TNS3: variants seen among roughly 807,000 people sequenced by gnomAD.
The protein encoded by TNS3 is tensin 3.
Under a neutral mutation model 140.9 loss-of-function variants are expected in TNS3, and 45 were observed. That is an observed-to-expected ratio of 0.32 (90% CI 0.25 to 0.41). The LOEUF is 0.41. Ranked by LOEUF, TNS3 falls within the 10% of genes least tolerant of loss-of-function variation. The probability of loss-of-function intolerance (pLI) is 1.00; values close to 1 mark genes in which losing one functional copy is unlikely to be tolerated. For missense variants in TNS3, 1,716 were observed against 1,906.7 expected, an observed-to-expected ratio of 0.90 and a Z score of 1.86; for synonymous variants, 815 against 788.4, an observed-to-expected ratio of 1.03 and a Z score of -0.56.
At chr7:47,310,375 A>G (rs1787018227) in intron 20 of TNS3, among the ~76,000 whole-genome samples, 1 of 152,166 alleles carries the variant, frequency 6.6e-6, no homozygotes, top group African/African-American at 2.4e-5. Flanking sequence ...AAACACCACA[A>G]GGTTTCAAGG....
intron 24 of TNS3, 32 bp downstream of exon 24, chr7:47,297,050 C>A (rs777436160): frequency 7.4e-6 from 12 of 1,613,172 alleles, no homozygotes; most frequent in African/African-American, 1.3e-5. Flanking sequence ...TGTGGATGAG[C>A]TGAACAGATC....
chr7:47,507,017 C>T lies in TNS3; in HGVS notation c.-152-73G>A, dbSNP rs10236000. On this transcript the variant is annotated intron_variant, in intron 2 of 30. Transcript: ENST00000311160. ...GCAAGAATTCTTACATCTTCAAACC[C>T]TCTCAATCCTTCAGAGTCTCTGGCT... The T allele has an allele frequency of 4.1e-3, 4,940 of 1,199,962 alleles. 176 individuals carry two copies. The African/African-American group carries it at 0.071, about 17-fold the overall frequency. The allele number at this position is 1,199,962 out of a possible 1,614,324, so 74.3% of individuals were successfully genotyped here.
At chr7:47,494,615 G>A (rs1320487528) in intron 3 of TNS3, among the ~76,000 whole-genome samples, 1 of 152,180 alleles carries the variant, frequency 6.6e-6, no homozygotes, top group Admixed American at 6.5e-5. Context: ...GAACAGAAAG[G>A]AAGCCTGCGG....
chr7:47,339,949 T>A (rs1788855916), intron 20 of TNS3, among the ~76,000 whole-genome samples: 2 of 99,002 alleles, frequency 2.0e-5, no homozygotes, highest in Admixed American at 2.6e-4. Flanking sequence ...TGAGCTATTA[T>A]AAGTGGCATA....
chr7:47,415,494 A>C lies in TNS3; in HGVS notation c.474-288T>G, dbSNP rs530263087. On this transcript the variant is annotated intron_variant, in intron 10 of 30. Transcript: ENST00000311160. ...CTGTCCACTGAACCTATCGCCAGGC[A>C]AAGCCAGGCCACAGGCCACAGGCCA... Among the ~76,000 whole-genome samples, 18 of 152,364 alleles carry C rather than the reference A, an allele frequency of 1.2e-4. 1 individual carries two copies. The South Asian group carries it at 3.5e-3, about 30-fold the overall frequency.
chr7:47,318,105 C>G (rs1451247519), intron 20 of TNS3, among the ~76,000 whole-genome samples: 2 of 152,200 alleles, frequency 1.3e-5, no homozygotes, highest in African/African-American at 2.4e-5. Flanking sequence ...ATCCTCCACC[C>G]AAGTCCCCAC....
intron 20 of TNS3, among the ~76,000 whole-genome samples, chr7:47,337,073 A>G (rs1371796352): frequency 3.3e-5 from 5 of 152,142 alleles, no homozygotes; most frequent in African/African-American, 1.2e-4. Context: ...ATTTGTGTCT[A>G]AGTCCCTGGC....
In TNS3 at chr7:47,354,793, A is replaced by T. The variant is rs1043241974; in HGVS notation, c.2282-8437T>A. 2.0e-5 allele frequency among the ~76,000 whole-genome samples: 3 copies of T among 152,104 alleles called. 1 individual carries two copies. The highest frequency in any genetic ancestry group is 7.2e-5 in the African/African-American group (3 of 41,426). ...AGGGACAGGCAGTGGCTTTTTCTTTACACAGTCTTGTGCCCCTCTTGTCGC... is the reference window on the plus strand; with the variant it reads ...AGGGACAGGCAGTGGCTTTTTCTTTTCACAGTCTTGTGCCCCTCTTGTCGC... On this transcript the variant is annotated intron_variant, in intron 17 of 30. Transcript: ENST00000311160.
At chr7:47,423,376 C>A (rs1794481155) in intron 10 of TNS3, among the ~76,000 whole-genome samples, 1 of 152,202 alleles carries the variant, frequency 6.6e-6, no homozygotes, top group African/African-American at 2.4e-5. Context: ...CTTCTCACTG[C>A]CTCTCAGCCA....
intron 21 of TNS3, among the ~76,000 whole-genome samples, chr7:47,304,115 C>G (rs539240803): frequency 6.6e-6 from 1 of 152,224 alleles, no homozygotes; most frequent in African/African-American, 2.4e-5. Context: ...CCCTCCTCCT[C>G]GCAGCATGAT....
chr7:47,370,273 C>A (rs1236328597), intron 16 of TNS3, among the ~76,000 whole-genome samples: 1 of 151,626 alleles, frequency 6.6e-6, no homozygotes, highest in African/African-American at 2.4e-5. Context: ...GAGCAAGACT[C>A]CGTCTCAAAA....
At chr7:47,422,187 C>T (rs1794408119) in intron 10 of TNS3, among the ~76,000 whole-genome samples, 1 of 152,168 alleles carries the variant, frequency 6.6e-6, no homozygotes, top group South Asian at 2.1e-4. Flanking sequence ...GAGTAAGGGG[C>T]ATTTCCCTAA....
chr7:47,466,353 T>G (rs1796715743), intron 4 of TNS3, among the ~76,000 whole-genome samples: 1 of 152,030 alleles, frequency 6.6e-6, no homozygotes, highest in African/African-American at 2.4e-5. Context: ...GGTTTCACCA[T>G]GTTGGCCAGG....
rs1794512626 is a variant in TNS3, at chr7:47,423,973, C to A, written c.473+128G>T. 5.3e-6 allele frequency: 5 copies of A among 942,834 alleles called. No homozygotes were observed. The Admixed American group carries it at 8.9e-5, about 17-fold the overall frequency. The allele number at this position is 942,834 out of a possible 1,614,324, so 58.4% of individuals were successfully genotyped here. A position where few individuals can be genotyped will look rare whatever the true frequency, so the allele number is the denominator to read the frequency against. On this transcript the variant is annotated intron_variant, in intron 10 of 30. Coordinates refer to ENST00000311160, the MANE Select transcript of TNS3 (RefSeq NM_022748.12). The stretch of plus-strand genomic sequence containing the variant: ...CAAGTCTCCCCACCACCTTCACAGT[C>A]TTTGGCATGACCCAAGAATACTATT...
chr7:47,415,355 G>A, intron 10 of TNS3, 149 bp from the exon 11 acceptor site: 1 of 590,178 alleles, frequency 1.7e-6, no homozygotes, highest in Non-Finnish European at 2.9e-6. Context: ...TCAGCATGGT[G>A]CTGCGCTTAC....
chr7:47,575,911 G>C (rs935401326), intron 1 of TNS3, among the ~76,000 whole-genome samples: 2 of 148,478 alleles, frequency 1.3e-5, no homozygotes, highest in Non-Finnish European at 3.0e-5. Context: ...GATAAAAAAT[G>C]TGCCTCCCTC....
At chr7:47,378,493 C>T (rs1791541991) in intron 16 of TNS3, among the ~76,000 whole-genome samples, 1 of 152,338 alleles carries the variant, frequency 6.6e-6, no homozygotes. Context: ...TATGGCCAAG[C>T]TGCCCAGCTC....
At chr7:47,530,838 AATATATATAT>A (rs1554350245) in intron 1 of TNS3, among the ~76,000 whole-genome samples, 1 of 54,566 alleles carries the variant, frequency 1.8e-5, no homozygotes, top group South Asian at 8.8e-4. Flanking sequence ...AAAAAAAAAA[AATATATATAT>A]ATATATATAT....
intron 9 of TNS3, among the ~76,000 whole-genome samples, chr7:47,425,035 T>G (rs918137889): frequency 6.6e-6 from 1 of 152,122 alleles, no homozygotes; most frequent in African/African-American, 2.4e-5. Flanking sequence ...AAAACCCTGA[T>G]AGGCTGGGTG....
Sources: allele counts gnomAD v4.1 joint callset (sites outside exome capture counted in the v4.1 genomes callset), GRCh38; gene constraint gnomAD v4.1.1; transcripts MANE v1.5; gene names NCBI Gene and HGNC (gene_info 2026-07-23, HGNC 2026-07-21).